Variants in AKAP13 observed in about 807,000 individuals in gnomAD.
AKAP13 encodes the protein A-kinase anchoring protein 13, also known as A-kinase anchor protein 13.
Under a neutral mutation model 264.5 loss-of-function variants are expected in AKAP13, and 80 were observed. That is an observed-to-expected ratio of 0.30 (90% CI 0.25 to 0.36). AKAP13 has a LOEUF of 0.36. Among genes scored for constraint, AKAP13 ranks in the 10% least tolerant of loss-of-function variants. AKAP13 has a pLI of 1.00. For missense variants in AKAP13, 3,712 were observed against 3,435.2 expected (o/e 1.08, Z -2.01); for synonymous variants, 1,380 against 1,250.2 (o/e 1.10, Z -2.19).
intron 1 of AKAP13, among the ~76,000 whole-genome samples, chr15:85,395,301 T>A (rs2071057937): frequency 1.3e-5 from 2 of 152,232 alleles, no homozygotes; most frequent in Non-Finnish European, 1.5e-5. Flanking sequence ...TCCAATAGTG[T>A]TGTTTTTCAA....
At chr15:85,606,428 G>C (rs1487229031) in intron 8 of AKAP13, among the ~76,000 whole-genome samples, 2 of 152,042 alleles carry the variant, frequency 1.3e-5, no homozygotes, top group East Asian at 3.9e-4. Context: ...TTGAGCATAG[G>C]TTCCTTTACC....
At chr15:85,703,183 T>C (rs2086029899) in intron 17 of AKAP13, among the ~76,000 whole-genome samples, 1 of 152,216 alleles carries the variant, frequency 6.6e-6, no homozygotes, top group African/African-American at 2.4e-5. Context: ...AAAGTTGCCC[T>C]CTAGACAGTT....
chr15:85,526,428 A>G (rs576018888), intron 3 of AKAP13, among the ~76,000 whole-genome samples: 11 of 146,604 alleles, frequency 7.5e-5, no homozygotes, highest in South Asian at 2.1e-4. Flanking sequence ...TGTGTCCATC[A>G]TAAGTGGCTG....
chr15:85,399,527 A>AAAAAATAAATAAAT (rs1567038675), intron 1 of AKAP13, among the ~76,000 whole-genome samples: 8 of 114,736 alleles, frequency 7.0e-5, no homozygotes, highest in Non-Finnish European at 9.0e-5. Context: ...AAAAAATAAA[A>AAAAAATAAATAAAT]AAATAAAAAA....
At chr15:85,639,884 A>G (rs1378549924) in intron 9 of AKAP13, among the ~76,000 whole-genome samples, 1 of 152,174 alleles carries the variant, frequency 6.6e-6, no homozygotes, top group Non-Finnish European at 1.5e-5. Flanking sequence ...TGGCCTAGAT[A>G]TCAAAATCTT....
intron 1 of AKAP13, among the ~76,000 whole-genome samples, chr15:85,457,838 C>T (rs2074335701): frequency 1.3e-5 from 2 of 152,102 alleles, no homozygotes; most frequent in South Asian, 4.1e-4. Flanking sequence ...GGGTGAGGCA[C>T]TGTCTTAAAA....
At chr15:85,725,510 G>A (rs537148926) in intron 26 of AKAP13, among the ~76,000 whole-genome samples, 205 of 152,224 alleles carry the variant, frequency 1.3e-3, no homozygotes, top group Non-Finnish European at 2.6e-3. Context: ...GACCTCCCTA[G>A]GAATCAGATG....
intron 1 of AKAP13, among the ~76,000 whole-genome samples, chr15:85,451,064 T>C (rs879809192): frequency 6.6e-6 from 1 of 152,222 alleles, no homozygotes; most frequent in East Asian, 1.9e-4. Context: ...ATATTTAAGA[T>C]AGTTAGGTCT....
intron 17 of AKAP13, among the ~76,000 whole-genome samples, chr15:85,694,092 C>T (rs1405494099): frequency 6.6e-6 from 1 of 152,208 alleles, no homozygotes; most frequent in Admixed American, 6.5e-5. Flanking sequence ...TTATCCATAA[C>T]CCCAAACCCT....
intron 1 of AKAP13, among the ~76,000 whole-genome samples, chr15:85,464,317 A>T (rs1012138706): frequency 2.0e-5 from 3 of 152,210 alleles, no homozygotes; most frequent in Non-Finnish European, 2.9e-5. Context: ...TCTAGAATTT[A>T]AAAAAATGAG....
At position 85,442,475 on chromosome 15, in the gene AKAP13, TTATATAA is replaced by T. The variant is rs1401782319; in HGVS notation, c.-11-43228_-11-43222del. Among the ~76,000 whole-genome samples the T allele has an allele frequency of 2.2e-3, 270 of 120,648 alleles. 2 individuals carry two copies. Among genetic ancestry groups the T allele is most frequent in the South Asian group, 0.021 (87 of 4,232 alleles). 79.1% of individuals were successfully genotyped at this position (120,648 alleles called of 152,430 possible). A position where few individuals can be genotyped will look rare whatever the true frequency, so the allele number is the denominator to read the frequency against. ...ACATATATAATATACATAATATATA[TTATATAA>T]TATATATAATATATATTATATTATA... On this transcript the variant is annotated intron_variant, in intron 1 of 36. Coordinates refer to ENST00000394518, the MANE Select transcript of AKAP13 (RefSeq NM_007200.5).
intron 5 of AKAP13, among the ~76,000 whole-genome samples, chr15:85,544,446 T>G (rs920745564): frequency 1.2e-4 from 19 of 152,214 alleles, no homozygotes; most frequent in African/African-American, 4.6e-4. Flanking sequence ...ATGTAATTTC[T>G]GTGAATAAAA....
intron 5 of AKAP13, among the ~76,000 whole-genome samples, chr15:85,551,176 C>G (rs971360347): frequency 6.6e-6 from 1 of 152,022 alleles, no homozygotes; most frequent in Non-Finnish European, 1.5e-5. Flanking sequence ...TTTTTTTCCC[C>G]CTAAGTTTTC....
intron 16 of AKAP13, chr15:85,691,875 C>T (rs368044051): frequency 4.3e-5 from 21 of 490,878 alleles, no homozygotes; most frequent in South Asian, 6.0e-5. Context: ...TCAGAGAGCA[C>T]GGCGTAGGAA....
rs1412932039 is a variant in AKAP13 at position 85,744,758 on chromosome 15, C to G, written c.*81C>G. On this transcript the variant is annotated 3_prime_UTR_variant, in exon 37 of 37. Coordinates refer to ENST00000394518, the MANE Select transcript of AKAP13 (RefSeq NM_007200.5). ...CTGCTGTCCCCGCGTGCACAAGTCT[C>G]TTACACTGGACGCCCACTGCTCCTC... 3 of 1,349,290 alleles carry G rather than the reference C, an allele frequency of 2.2e-6. No individual in the cohort carries two copies. In the African/African-American group the frequency reaches 4.4e-5, roughly 20 times the overall value. 83.6% of individuals were successfully genotyped at this position (1,349,290 alleles called of 1,614,324 possible). A position where few individuals can be genotyped will look rare whatever the true frequency, so the allele number is the denominator to read the frequency against.
intron 1 of AKAP13, among the ~76,000 whole-genome samples, chr15:85,390,169 G>T (rs1374964290): frequency 1.3e-5 from 2 of 152,204 alleles, no homozygotes; most frequent in Admixed American, 6.5e-5. Context: ...TGGGAATTCA[G>T]TGACATCTGT....
intron 5 of AKAP13, among the ~76,000 whole-genome samples, chr15:85,557,125 TTCTG>T (rs1378466623): frequency 1.3e-5 from 2 of 152,254 alleles, no homozygotes; most frequent in African/African-American, 4.8e-5. Context: ...TATCTTTTCT[TTCTG>T]CTCATTAATC....
chr15:85,718,995 T>G lies in AKAP13; in HGVS notation c.6002-81T>G. 6.4e-7 allele frequency: 1 copy of G among 1,568,150 alleles called. No homozygotes were observed. The highest frequency in any genetic ancestry group is 8.6e-7 in the Non-Finnish European group (1 of 1,156,840). ...GTTCAAATTGGGCTCTAAACTAGCT[T>G]TGGGACTGCAGCAGATGATCTTTGA... On this transcript the variant is annotated intron_variant, in intron 22 of 36. Coordinates refer to ENST00000394518, the MANE Select transcript of AKAP13 (RefSeq NM_007200.5). The surrounding 1 kb of genome is among the most constrained non-coding windows in gnomAD (Gnocchi z 4.9).
At chr15:85,420,851 A>G (rs1366665784) in intron 1 of AKAP13, among the ~76,000 whole-genome samples, 1 of 152,156 alleles carries the variant, frequency 6.6e-6, no homozygotes, top group Non-Finnish European at 1.5e-5. Flanking sequence ...TAACAGGCTG[A>G]AGTAGGAGGA....
Sources: allele counts gnomAD v4.1 joint callset (sites outside exome capture counted in the v4.1 genomes callset), GRCh38; gene constraint gnomAD v4.1.1; non-coding constraint Gnocchi (gnomAD v3.1); transcripts MANE v1.5; gene names NCBI Gene and HGNC (gene_info 2026-07-23, HGNC 2026-07-21).